Variants in SCLT1 observed in about 807,000 individuals in gnomAD.
SCLT1 encodes the protein sodium channel-associated protein 1.
A neutral mutation model predicts 112.8 loss-of-function variants in SCLT1; 78 were observed. The observed-to-expected ratio is 0.69, with a 90% CI of 0.58 to 0.83. The LOEUF (loss-of-function observed/expected upper bound fraction) is 0.83, where lower values mean the gene tolerates loss of function less well. SCLT1 is among the 40% of genes least tolerant of loss of function. The pLI is 0.00. For synonymous variants in SCLT1, 257 were observed against 254.7 expected (o/e 1.01, Z -0.09); for missense variants, 747 against 770.4 (o/e 0.97, Z 0.36).
chr4:129,035,745 A>C (rs1354782738), intron 5 of SCLT1, among the ~76,000 whole-genome samples: 4 of 152,120 alleles, frequency 2.6e-5, no homozygotes, highest in Non-Finnish European at 5.9e-5. Flanking sequence ...AGTATTGAGA[A>C]AGAAACAAGA....
chr4:128,894,263 G>A (rs1733556031), intron 18 of SCLT1, among the ~76,000 whole-genome samples: 8 of 151,644 alleles, frequency 5.3e-5, no homozygotes, highest in Admixed American at 5.3e-4. Context: ...GTACAGTCAA[G>A]GTTAAAAAAA....
intron 5 of SCLT1, among the ~76,000 whole-genome samples, chr4:129,013,730 T>C (rs1349988227): frequency 6.6e-6 from 1 of 152,118 alleles, no homozygotes; most frequent in Non-Finnish European, 1.5e-5. Flanking sequence ...CTCTAAGATG[T>C]CTTTAAAATT....
downstream of SCLT1, among the ~76,000 whole-genome samples, chr4:128,879,979 G>C (rs919113623): frequency 3.3e-5 from 5 of 152,098 alleles, no homozygotes; most frequent in Non-Finnish European, 7.4e-5. Context: ...CCTTATCAAA[G>C]GAATTAAAGA....
intron 18 of SCLT1, among the ~76,000 whole-genome samples, chr4:128,933,482 A>T (rs1203393193): frequency 6.6e-6 from 1 of 152,082 alleles, no homozygotes; most frequent in Non-Finnish European, 1.5e-5. Context: ...GGCCATTTTG[A>T]TGTGACCCCA....
chr4:128,948,233 G>A (rs775797386), intron 15 of SCLT1, among the ~76,000 whole-genome samples: 4 of 150,836 alleles, frequency 2.7e-5, no homozygotes, highest in Non-Finnish European at 2.9e-5. Context: ...CTACTCAGGA[G>A]GCTGAGGCAG....
chr4:129,037,712 A>G (rs1579801726), intron 5 of SCLT1: 1 of 152,200 alleles, frequency 6.6e-6, no homozygotes, highest in Non-Finnish European at 1.5e-5. Flanking sequence ...TAGAATGGTT[A>G]TTGTTTACTG....
Position 129,003,896 on chromosome 4 carries a change from C to T in SCLT1, c.291-20G>A, listed in dbSNP as rs781647020. The T allele has an allele frequency of 1.2e-6, 2 of 1,605,800 alleles. No individual in the cohort carries two copies. The highest frequency in any genetic ancestry group is 3.4e-5 in the Admixed American group (2 of 58,568). On this transcript the variant is annotated intron_variant, in intron 5 of 20. Transcript: ENST00000281142. ...TGCAACCTTTGAAACAAATAGTTAA[C>T]ATGATAGCCTCAAGTCATTTTCGTA...
intron 2 of SCLT1, among the ~76,000 whole-genome samples, chr4:129,050,491 G>A (rs1202385688): frequency 2.0e-5 from 3 of 152,180 alleles, no homozygotes; most frequent in East Asian, 1.9e-4. Context: ...GACCAGTGAC[G>A]AGGAGCTTTT....
At chr4:128,991,316 A>G (rs1560935679) in intron 9 of SCLT1, among the ~76,000 whole-genome samples, 1 of 151,672 alleles carries the variant, frequency 6.6e-6, no homozygotes, top group African/African-American at 2.4e-5. Context: ...GCCATATACC[A>G]AAATCAAATC....
chr4:128,984,003 A>C (rs1326992243), intron 9 of SCLT1, among the ~76,000 whole-genome samples: 1 of 152,200 alleles, frequency 6.6e-6, no homozygotes, highest in East Asian at 1.9e-4. Flanking sequence ...GTTCCTTCAA[A>C]TCTGTGGCAG....
chr4:128,977,707 T>G (rs561731692), intron 9 of SCLT1, among the ~76,000 whole-genome samples: 1 of 151,814 alleles, frequency 6.6e-6, no homozygotes, highest in Non-Finnish European at 1.5e-5. Context: ...GACAAAGAAA[T>G]GACAATTAAG....
chr4:128,952,269 T>C, intron 14 of SCLT1: 1 of 445,254 alleles, frequency 2.2e-6, no homozygotes, highest in Non-Finnish European at 4.5e-6. Flanking sequence ...GTTATACTTT[T>C]ATTCTCCTAT....
intron 18 of SCLT1, among the ~76,000 whole-genome samples, chr4:128,930,412 A>T (rs1425944975): frequency 6.6e-6 from 1 of 152,182 alleles, no homozygotes; most frequent in Admixed American, 6.5e-5. Flanking sequence ...TGTCAGATTC[A>T]CCCAGATAAG....
intron 2 of SCLT1, among the ~76,000 whole-genome samples, chr4:129,076,338 C>A (rs1032525019): frequency 3.3e-5 from 5 of 152,128 alleles, no homozygotes; most frequent in Non-Finnish European, 5.9e-5. Context: ...CATAGCCACT[C>A]ATACCTCTTT....
intron 2 of SCLT1, among the ~76,000 whole-genome samples, chr4:129,080,542 GCTC>G (rs757716804): frequency 6.6e-6 from 1 of 152,198 alleles, no homozygotes; most frequent in Non-Finnish European, 1.5e-5. Flanking sequence ...TTCCCAGTAA[GCTC>G]CTCTTCTCCA....
chr4:128,913,553 CA>C (rs1560833175), intron 18 of SCLT1, among the ~76,000 whole-genome samples: 1 of 152,112 alleles, frequency 6.6e-6, no homozygotes, highest in Non-Finnish European at 1.5e-5. Flanking sequence ...TAAAGTGAGA[CA>C]ACCCAGAATG....
At chr4:128,917,234 G>C (rs1373976488) in intron 18 of SCLT1, among the ~76,000 whole-genome samples, 1 of 152,082 alleles carries the variant, frequency 6.6e-6, no homozygotes, top group Non-Finnish European at 1.5e-5. Flanking sequence ...AGGGAACTGT[G>C]AGCATAACAA....
rs372677949 is a variant in SCLT1 at position 129,028,342 on chromosome 4, G to C, written c.290+10699C>G. On this transcript the variant is annotated intron_variant, in intron 5 of 20. Transcript: ENST00000281142. ...ACCAAAACAGAGATATAGATCAATG[G>C]AACAGAACAGAGCCCTCAGAAATAA... Among the ~76,000 whole-genome samples the C allele has an allele frequency of 1.6e-3, 248 of 152,178 alleles. 2 individuals are homozygous for C. Among genetic ancestry groups the C allele is most frequent in the East Asian group, 0.014 (71 of 5,184 alleles).
intron 20 of SCLT1, among the ~76,000 whole-genome samples, chr4:128,886,359 AGAT>A (rs1264694269): frequency 1.9e-4 from 29 of 152,218 alleles, no homozygotes; most frequent in Non-Finnish European, 4.3e-4. Context: ...GATGTGTCAG[AGAT>A]GATAATAATT....
Sources: allele counts gnomAD v4.1 joint callset (sites outside exome capture counted in the v4.1 genomes callset), GRCh38; gene constraint gnomAD v4.1.1; transcripts MANE v1.5; gene names NCBI Gene and HGNC (gene_info 2026-07-23, HGNC 2026-07-21).